The following EVC variants were observed in gnomAD, a reference collection of about 807,000 sequenced individuals.
The protein encoded by EVC is evC complex member EVC.
Under a neutral mutation model 118.9 loss-of-function variants are expected in EVC, and 116 were observed. That is an observed-to-expected ratio of 0.98 (90% CI 0.84 to 1.14). The LOEUF is 1.14. Among genes scored for constraint, EVC ranks in the 50% most tolerant of loss-of-function variants. EVC has a pLI of 0.00. For synonymous variants in EVC, 619 were observed against 534.7 expected (o/e 1.16, Z -2.18); for missense variants, 1,401 against 1,246.4 (o/e 1.12, Z -1.87).
At chr4:5,788,271 G>A (rs1712086063) in intron 12 of EVC, among the ~76,000 whole-genome samples, 1 of 152,150 alleles carries the variant, frequency 6.6e-6, no homozygotes, top group African/African-American at 2.4e-5. Flanking sequence ...TTTGTTCAGG[G>A]CCTCTCACAA....
At chr4:5,712,481 C>T (rs1264938072) in intron 1 of EVC, among the ~76,000 whole-genome samples, 1 of 152,120 alleles carries the variant, frequency 6.6e-6, no homozygotes, top group African/African-American at 2.4e-5. Flanking sequence ...AGCAGGCATT[C>T]CATGAATAGT....
intron 13 of EVC, 131 bp downstream of exon 13, chr4:5,793,848 T>G (rs1713257778): frequency 1.4e-6 from 1 of 731,716 alleles, no homozygotes; most frequent in Admixed American, 2.0e-5. Context: ...TGACTTAACG[T>G]TTCTTAGCCT....
the EVC span, chr4:5,821,102 T>A: frequency 6.6e-6 from 1 of 152,362 alleles, no homozygotes; most frequent in Non-Finnish European, 1.5e-5. This position sits in a 1 kb window ranked among gnomAD's most constrained non-coding sequence, Gnocchi z 4.4. Context: ...GAGTTACAAG[T>A]GCCACGGAGA....
intron 13 of EVC, 74 bp from the exon 14 acceptor site, chr4:5,796,948 C>T: frequency 1.1e-5 from 12 of 1,127,340 alleles, no homozygotes; most frequent in Non-Finnish European, 1.6e-5. Flanking sequence ...TGGGCTGTGG[C>T]TGTTTGGGGA....
downstream of EVC, among the ~76,000 whole-genome samples, chr4:5,814,661 C>G (rs564421616): frequency 6.8e-4 from 103 of 152,296 alleles, no homozygotes; most frequent in African/African-American, 2.4e-3. Context: ...CCCCTTCACT[C>G]TGCACCTGGT....
chr4:5,756,433 C>A lies in EVC; in HGVS notation c.1563+71C>A. 1 of 1,357,646 alleles carries A rather than the reference C, an allele frequency of 7.4e-7. No homozygotes were observed. The highest frequency in any genetic ancestry group is 1.0e-6 in the Non-Finnish European group (1 of 970,846). 84.1% of individuals were successfully genotyped at this position (1,357,646 alleles called of 1,614,324 possible). ...GTGTGTGCGAGAACCTCACATCCTC[C>A]TGGCTGGGGACCCCAGAGGTGGTTC... On this transcript the variant is annotated intron_variant, in intron 11 of 20. Transcript: ENST00000264956. This position sits in a 1 kb window ranked among gnomAD's most constrained non-coding sequence, Gnocchi z 4.2.
intron 11 of EVC, among the ~76,000 whole-genome samples, chr4:5,773,835 A>G (rs2152235032): frequency 6.6e-6 from 1 of 152,204 alleles, no homozygotes. Context: ...TGTCAGGGGA[A>G]CTGGAGCACA....
intron 11 of EVC, among the ~76,000 whole-genome samples, chr4:5,763,718 A>G (rs2152131747): frequency 1.7e-5 from 2 of 115,868 alleles, no homozygotes; most frequent in African/African-American, 6.8e-5. Context: ...TTGTTGGTGT[A>G]TAAGAATGCT....
At chr4:5,727,333 C>A (rs1726019338) in intron 2 of EVC, among the ~76,000 whole-genome samples, 1 of 152,160 alleles carries the variant, frequency 6.6e-6, no homozygotes, top group South Asian at 2.1e-4. Flanking sequence ...TGATGATGAG[C>A]ATTTTTTCAT....
Position 5,810,428 on chromosome 4 carries a change from G to A in EVC, c.2872G>A (p.Asp958Asn), listed in dbSNP as rs35287723. The change falls in exon 20 of 21, where the codon GAC (aspartate) becomes AAC (asparagine). Residue 958 changes from aspartate (D) to asparagine (N), a missense_variant. Asp to Asn is a conservative substitution (Grantham distance 23, BLOSUM62 1). Coordinates refer to ENST00000264956, the MANE Select transcript of EVC (RefSeq NM_153717.3). ...CAACAATGAGGACCTTGCCTCCGGG[G>A]ACCAGACCTCAGGCTCACTCAGGTA... Reference protein sequence around the residue: ...VPNNEDLASGDQTSGSLSSKR... With the variant: ...VPNNEDLASGNQTSGSLSSKR... The A allele has an allele frequency of 1.7e-3, 2,749 of 1,612,624 alleles. 37 individuals carry two copies. The African/African-American group carries it at 0.032, about 19-fold the overall frequency.
chr4:5,825,475 G>A, the EVC span: 2 of 1,552,218 alleles, frequency 1.3e-6, no homozygotes, highest in African/African-American at 1.4e-5. This position sits in a 1 kb window ranked among gnomAD's most constrained non-coding sequence, Gnocchi z 4.4. Context: ...GGGGAGCCTG[G>A]GCCACCACTC....
chr4:5,783,268 G>A (rs1162441305), intron 11 of EVC, among the ~76,000 whole-genome samples: 1 of 152,008 alleles, frequency 6.6e-6, no homozygotes, highest in African/African-American at 2.4e-5. Context: ...ATATGTGCCT[G>A]TGTCTGCATG....
chr4:5,741,529 C>T (rs753197323), intron 5 of EVC, among the ~76,000 whole-genome samples, 187 bp from the exon 6 acceptor site: 3 of 151,982 alleles, frequency 2.0e-5, no homozygotes, highest in Admixed American at 1.3e-4. Flanking sequence ...GCATTATGGG[C>T]CATTGTCATG....
In EVC at chr4:5,754,430, G is replaced by T. The variant is rs1730867714; in HGVS notation, c.1464+497G>T. Among the ~76,000 whole-genome samples the T allele has an allele frequency of 6.6e-6, 1 of 152,124 alleles. No individual in the cohort carries two copies. Among genetic ancestry groups the T allele is most frequent in the African/African-American group, 2.4e-5 (1 of 41,432 alleles). On this transcript the variant is annotated intron_variant, in intron 10 of 20. Coordinates refer to ENST00000264956, the MANE Select transcript of EVC (RefSeq NM_153717.3). The surrounding 1 kb of genome is among the most constrained non-coding windows in gnomAD (Gnocchi z 5.8). ...CAAGGTCAGAGGTACCCTTGGTCTT[G>T]CCTGAGAAGGGGACAAGAAGACCTG...
chr4:5,747,512 C>G (rs1729548404), intron 7 of EVC, among the ~76,000 whole-genome samples: 1 of 152,196 alleles, frequency 6.6e-6, no homozygotes, highest in Non-Finnish European at 1.5e-5. Context: ...GGCGAACAGC[C>G]TGTGGGCCAT....
At chr4:5,817,582 G>A (rs1471502180), downstream of EVC, among the ~76,000 whole-genome samples, 3 of 152,162 alleles carry the variant, frequency 2.0e-5, no homozygotes, top group Non-Finnish European at 2.9e-5. Flanking sequence ...CTTGCTAAGA[G>A]CCCCTTTTGC....
chr4:5,722,810 G>A (rs1396393592), intron 2 of EVC, among the ~76,000 whole-genome samples: 1 of 152,226 alleles, frequency 6.6e-6, no homozygotes, highest in Non-Finnish European at 1.5e-5. Flanking sequence ...AGCTGAGGAA[G>A]TTTTACCTTG....
chr4:5,795,320 G>A (rs748157461), intron 13 of EVC, among the ~76,000 whole-genome samples: 2 of 152,188 alleles, frequency 1.3e-5, no homozygotes, highest in South Asian at 2.1e-4. Flanking sequence ...AGAAGCAGGT[G>A]TCTAGCTATG....
chr4:5,790,196 G>T (rs1003776240), intron 12 of EVC, among the ~76,000 whole-genome samples: 1 of 89,856 alleles, frequency 1.1e-5, no homozygotes, highest in African/African-American at 4.1e-5. Flanking sequence ...AAAAAAAAAA[G>T]ACAACGATGA....
Sources: allele counts gnomAD v4.1 joint callset (sites outside exome capture counted in the v4.1 genomes callset), GRCh38; gene constraint gnomAD v4.1.1; non-coding constraint Gnocchi (gnomAD v3.1); transcripts MANE v1.5; gene names NCBI Gene and HGNC (gene_info 2026-07-23, HGNC 2026-07-21).